The following TRPM3 variants were observed in gnomAD, a reference collection of about 807,000 sequenced individuals.
TRPM3 encodes the protein transient receptor potential cation channel subfamily M member 3.
TRPM3 carries 77 observed loss-of-function variants against 181.2 expected under a neutral mutation model. That is an observed-to-expected ratio of 0.42 (90% CI 0.35 to 0.51). TRPM3 has a LOEUF of 0.51. Ranked by LOEUF, TRPM3 falls within the 20% of genes least tolerant of loss-of-function variation. The probability of loss-of-function intolerance (pLI) is 0.01; values close to 1 mark genes in which losing one functional copy is unlikely to be tolerated. For synonymous variants in TRPM3, 745 were observed against 796.4 expected (o/e 0.94, Z 1.09); for missense variants, 1,759 against 2,196.7 (o/e 0.80, Z 3.98).
chr9:71,045,866 A>G (rs1209920189), intron 1 of TRPM3, among the ~76,000 whole-genome samples: 1 of 152,218 alleles, frequency 6.6e-6, no homozygotes, highest in Non-Finnish European at 1.5e-5. Flanking sequence ...CAATAGCCAA[A>G]TAATTTTGGA....
chr9:70,767,330 A>G (rs1161802600), intron 7 of TRPM3, among the ~76,000 whole-genome samples: 1 of 152,154 alleles, frequency 6.6e-6, no homozygotes, highest in Non-Finnish European at 1.5e-5. Context: ...TTGCTCATTC[A>G]TTCATTCATT....
At chr9:70,839,067 A>G (rs1280610547) in intron 5 of TRPM3, among the ~76,000 whole-genome samples, 1 of 152,160 alleles carries the variant, frequency 6.6e-6, no homozygotes, top group Non-Finnish European at 1.5e-5. Context: ...TTACAGCCAG[A>G]TGCTTGGTTA....
chr9:71,310,421 TAAG>T (rs2087809477), intron 1 of TRPM3, among the ~76,000 whole-genome samples: 1 of 152,106 alleles, frequency 6.6e-6, no homozygotes, highest in African/African-American at 2.4e-5. Flanking sequence ...GGTAAATTTT[TAAG>T]AAGAGATCTA....
intron 1 of TRPM3, among the ~76,000 whole-genome samples, chr9:70,995,648 C>A (rs2097534962): frequency 6.6e-6 from 1 of 152,232 alleles, no homozygotes; most frequent in African/African-American, 2.4e-5. Flanking sequence ...ATTCGTCACA[C>A]CAGAACAAGA....
chr9:71,272,782 G>T (rs1018279261), intron 1 of TRPM3, among the ~76,000 whole-genome samples: 2 of 151,838 alleles, frequency 1.3e-5, no homozygotes, highest in Admixed American at 1.3e-4. Flanking sequence ...TATGTAAAAA[G>T]AACTCAAATG....
intron 1 of TRPM3, among the ~76,000 whole-genome samples, chr9:70,951,257 CATTTT>C (rs529789768): frequency 3.9e-5 from 6 of 152,258 alleles, no homozygotes; most frequent in African/African-American, 1.4e-4. Flanking sequence ...AAAATTATGA[CATTTT>C]ATTCAATTTT....
chr9:71,373,108 G>A (rs1052226992), intron 1 of TRPM3, among the ~76,000 whole-genome samples: 3 of 152,050 alleles, frequency 2.0e-5, no homozygotes, highest in African/African-American at 7.2e-5. Context: ...AGAGTCTCCG[G>A]GATGTGGCTA....
rs369138225 is a variant in TRPM3 at position 71,153,769 on chromosome 9, C to T, written c.184-289258G>A. 4.7e-4 allele frequency among the ~76,000 whole-genome samples: 72 copies of T among 152,146 alleles called. 1 individual carries two copies. In the South Asian group the frequency reaches 0.015, roughly 31 times the overall value. On this transcript the variant is annotated intron_variant, in intron 1 of 24. Transcript: ENST00000357533. The stretch of plus-strand genomic sequence containing the variant: ...GTGATTTGCACCCTCATTGACTTGA[C>T]CCAGAAGGCCATGCTTTTTCAAGAC...
At chr9:70,687,294 A>G (rs147401958) in intron 8 of TRPM3, among the ~76,000 whole-genome samples, 3,243 of 152,308 alleles carry the variant, frequency 0.021, 57 homozygotes, top group Middle Eastern at 0.034. Context: ...ATATATGCTC[A>G]TTCTATCAAA....
At chr9:71,442,818 A>G (rs2094152189) in intron 1 of TRPM3, among the ~76,000 whole-genome samples, 1 of 152,248 alleles carries the variant, frequency 6.6e-6, no homozygotes, top group African/African-American at 2.4e-5. Context: ...CACTTGCTGA[A>G]TCACCTTTCA....
At chr9:71,026,893 T>C (rs1233882477) in intron 1 of TRPM3, among the ~76,000 whole-genome samples, 8 of 152,202 alleles carry the variant, frequency 5.3e-5, no homozygotes, top group Admixed American at 5.2e-4. Flanking sequence ...CAAGTTGTAC[T>C]GCCACCACAG....
At chr9:70,680,391 G>A (rs1211220934) in intron 9 of TRPM3, among the ~76,000 whole-genome samples, 3 of 152,194 alleles carry the variant, frequency 2.0e-5, no homozygotes, top group Non-Finnish European at 1.5e-5. Context: ...AAGAAGAGTA[G>A]ATACACTGGA....
chr9:71,133,094 T>C (rs930860060), intron 1 of TRPM3, among the ~76,000 whole-genome samples: 10 of 152,098 alleles, frequency 6.6e-5, no homozygotes, highest in Admixed American at 4.6e-4. Flanking sequence ...TCCAGTAGTG[T>C]TGAACCATTT....
At chr9:71,390,784 T>TACTAGCAAAGGTGC (rs2093043856) in intron 1 of TRPM3, among the ~76,000 whole-genome samples, 1 of 152,038 alleles carries the variant, frequency 6.6e-6, no homozygotes, top group African/African-American at 2.4e-5. Flanking sequence ...AGTAAAGGTG[T>TACTAGCAAAGGTGC]ACTAGCAAAG....
chr9:70,544,936 T>C (rs1334208133), intron 25 of TRPM3, among the ~76,000 whole-genome samples: 1 of 152,176 alleles, frequency 6.6e-6, no homozygotes, highest in Non-Finnish European at 1.5e-5. Context: ...AATATAATCT[T>C]ATAGCATACC....
intron 1 of TRPM3, among the ~76,000 whole-genome samples, chr9:71,331,887 G>A (rs1020086441): frequency 1.1e-3 from 1 of 886 alleles, no homozygotes; most frequent in Non-Finnish European, 3.0e-3. Flanking sequence ...AGAGGAGGAA[G>A]AAGGGGAGGA....
chr9:71,445,869 CAGG>C (rs2094196843), intron 1 of TRPM3, among the ~76,000 whole-genome samples: 1 of 152,202 alleles, frequency 6.6e-6, no homozygotes, highest in Admixed American at 6.5e-5. Flanking sequence ...CCAGGAGCAA[CAGG>C]AGGACTTTGC....
intron 1 of TRPM3, among the ~76,000 whole-genome samples, chr9:71,425,210 A>G (rs996774383): frequency 6.6e-6 from 1 of 152,060 alleles, no homozygotes; most frequent in Non-Finnish European, 1.5e-5. Context: ...AATTAACATC[A>G]TGTGTTCATG....
chr9:70,767,353 T>C (rs1313789040), intron 7 of TRPM3, among the ~76,000 whole-genome samples: 3 of 152,234 alleles, frequency 2.0e-5, no homozygotes, highest in Non-Finnish European at 2.9e-5. Context: ...ACAAACAATA[T>C]TCATGCCTTC....
Sources: allele counts gnomAD v4.1 joint callset (sites outside exome capture counted in the v4.1 genomes callset), GRCh38; gene constraint gnomAD v4.1.1; transcripts MANE v1.5; gene names NCBI Gene and HGNC (gene_info 2026-07-23, HGNC 2026-07-21).